CCAR2: variants seen among roughly 807,000 people sequenced by gnomAD.
CCAR2 encodes the protein cell cycle and apoptosis regulator protein 2.
A neutral mutation model predicts 108.1 loss-of-function variants in CCAR2; 21 were observed. That is an observed-to-expected ratio of 0.19 (90% confidence interval 0.14 to 0.28). The LOEUF is 0.28. Ranked by LOEUF, CCAR2 falls within the 10% of genes least tolerant of loss-of-function variation. The pLI is 1.00. For synonymous variants in CCAR2, 577 were observed against 472.8 expected, an observed-to-expected ratio of 1.22 and a Z score of -2.86; for missense variants, 1,126 against 1,177.0, an observed-to-expected ratio of 0.96 and a Z score of 0.63.
At position 22,608,222 on chromosome 8, in the gene CCAR2, C is replaced by T. The variant is rs1343416474; in HGVS notation, c.584+157C>T. On this transcript the variant is annotated intron_variant, in intron 7 of 20. Transcript: ENST00000308511. ...AACATTCTTTGCCTGCAGCTAGATC[C>T]TAGTCCCTTTTCTGTGAAGTATGTA... 4 of 602,786 alleles carry T rather than the reference C, an allele frequency of 6.6e-6. No homozygotes were observed. In the African/African-American group the frequency reaches 7.5e-5, roughly 11 times the overall value. 37.3% of individuals were successfully genotyped at this position (602,786 alleles called of 1,614,324 possible). A position where few individuals can be genotyped will look rare whatever the true frequency, so the allele number is the denominator to read the frequency against.
At chr8:22,619,439 G>A in intron 20 of CCAR2, 84 bp downstream of exon 20, 1 of 1,490,168 alleles carries the variant, frequency 6.7e-7, no homozygotes, top group Non-Finnish European at 9.1e-7. Context: ...CCCGTGTCGG[G>A]AGTGACCAGA....
At position 22,604,826 on chromosome 8, in the gene CCAR2, G is replaced by A. The variant is rs1447087219; in HGVS notation, c.-55G>A. 6.6e-6 allele frequency: 3 copies of A among 454,822 alleles called. No homozygotes were observed. The East Asian group carries it at 2.1e-4, about 32-fold the overall frequency. The allele number at this position is 454,822 out of a possible 1,614,324, so 28.2% of individuals were successfully genotyped here. ...CGGGTGTCTTTGTCCCCCCGGTGTC[G>A]CTGCCCTGGCCCGCAGGTGGGTTGG... On this transcript the variant is annotated 5_prime_UTR_variant, in exon 1 of 21. Transcript: ENST00000308511.
intron 16 of CCAR2, chr8:22,618,030 G>T: frequency 3.4e-6 from 2 of 591,872 alleles, no homozygotes; most frequent in East Asian, 5.7e-5. Flanking sequence ...TTGCCAAAGT[G>T]GGCCAGAGAG....
Position 22,606,164 on chromosome 8 carries a change from C to T in CCAR2, c.138C>T (p.Ala46=), listed in dbSNP as rs1244173422. The part of the protein sequence containing the change: ...PPVATELSQN[A]RHLQGGEKQR... The stretch of plus-strand genomic sequence containing the variant: ...TGGCCACAGAACTGTCCCAGAATGC[C>T]AGGCACCTTCAGGTAGGTTCGGCAT... Residue 46 remains alanine (A), a synonymous_variant, in exon 3 of 21, where the codon GCC becomes GCT. Transcript: ENST00000308511. 1 of 1,613,770 alleles carries T rather than the reference C, an allele frequency of 6.2e-7. No individual in the cohort carries two copies.
Position 22,606,934 on chromosome 8 carries a change from G to A in CCAR2, c.267G>A (p.Gln89=). The A allele has an allele frequency of 6.2e-7, 1 of 1,614,118 alleles. No homozygotes were observed. Among genetic ancestry groups the A allele is most frequent in the Non-Finnish European group, 8.5e-7 (1 of 1,180,028 alleles). Residue 89 remains glutamine, a synonymous_variant, in exon 5 of 21, where the codon CAG becomes CAA. Coordinates refer to ENST00000308511, the MANE Select transcript of CCAR2 (RefSeq NM_001393997.1). ...GTGTGGTGAAGGGCCGTCTGCCCCA[G>A]CTGGGTGAGAAGGTGCTGGTGAAGG... is the stretch of plus-strand genomic sequence containing the variant. ...QLSVVKGRLP[Q]LGEKVLVKAA... is the part of the protein sequence containing the mutation.
In CCAR2 at chr8:22,619,748, C is replaced by T. The variant is rs200005581; in HGVS notation, c.*66C>T. ...GCGCCCGGCAAAGTTGGAGCCCTTG[C>T]GGTACCAGAAAGCAGCGAGAGCGAG... is the stretch of plus-strand genomic sequence containing the variant. On this transcript the variant is annotated 3_prime_UTR_variant, in exon 21 of 21. Transcript: ENST00000308511. 1.6e-3 allele frequency: 2,350 copies of T among 1,516,010 alleles called. 4 individuals are homozygous for T. Among genetic ancestry groups the T allele is most frequent in the Non-Finnish European group, 1.9e-3 (2,159 of 1,118,964 alleles). 93.9% of individuals were successfully genotyped at this position (1,516,010 alleles called of 1,614,324 possible).
chr8:22,607,896 G>A, intron 6 of CCAR2, 73 bp from the exon 7 acceptor site: 1 of 1,196,098 alleles, frequency 8.4e-7, no homozygotes. Context: ...AAAGTGCTGG[G>A]ATTACAGGTG....
rs1471479872 is a variant in CCAR2 at position 22,616,263 on chromosome 8, A to C, written c.1845+15A>C. On this transcript the variant is annotated intron_variant, in intron 14 of 20. Coordinates refer to ENST00000308511, the MANE Select transcript of CCAR2 (RefSeq NM_001393997.1). ...AGGCCCCGCTGGTGAGTACCCTGCC[A>C]CCTCGGGCTGTCATAGTGCTTACCG... is the stretch of plus-strand genomic sequence containing the variant. 6.2e-7 allele frequency: 1 copy of C among 1,609,290 alleles called. No homozygotes were observed. The highest frequency in any genetic ancestry group is 8.5e-7 in the Non-Finnish European group (1 of 1,178,094).
chr8:22,609,662 A>T (rs1419029715), intron 7 of CCAR2, among the ~76,000 whole-genome samples: 2 of 152,156 alleles, frequency 1.3e-5, no homozygotes, highest in South Asian at 2.1e-4. Flanking sequence ...TCCCTTTCAC[A>T]GTGTGTGAGT....
At chr8:22,616,866 C>CT (rs36086286) in intron 14 of CCAR2, among the ~76,000 whole-genome samples, 782 of 54,724 alleles carry the variant, frequency 0.014, 194 homozygotes, top group Middle Eastern at 0.027. Flanking sequence ...TACTAGTCTG[C>CT]TTTTTTTTTT....
chr8:22,607,123 G>A, intron 5 of CCAR2, 73 bp from the exon 6 acceptor site: 1 of 1,608,680 alleles, frequency 6.2e-7, no homozygotes, highest in Non-Finnish European at 8.5e-7. Context: ...CAGGGGGGTG[G>A]GACTGCATCT....
chr8:22,617,500 C>A lies in CCAR2; in HGVS notation c.1926C>A (p.Asp642Glu). 1 of 1,606,732 alleles carries A rather than the reference C, an allele frequency of 6.2e-7. No individual in the cohort carries two copies. Among genetic ancestry groups the A allele is most frequent in the South Asian group, 1.1e-5 (1 of 90,146 alleles). ...EEKPRGEASE[D>E]LCEMALDPEL... ...AACCCCGGGGCGAGGCTTCTGAGGACCTGTGTGAGATGGCCCTGGACCCAG... is the reference window on the plus strand; with the variant it reads ...AACCCCGGGGCGAGGCTTCTGAGGAACTGTGTGAGATGGCCCTGGACCCAG... The change falls in exon 15 of 21, where the codon GAC (aspartate) becomes GAA (glutamate). Residue 642 changes from aspartate to glutamate, a missense_variant. This residue lies in a region of CCAR2 where 1,013 missense variants were observed against 993.9 expected (regional missense o/e 1.02). Coordinates refer to ENST00000308511, the MANE Select transcript of CCAR2 (RefSeq NM_001393997.1).
chr8:22,605,227 G>GGA (rs796561329), intron 1 of CCAR2: 7 of 183,790 alleles, frequency 3.8e-5, no homozygotes, highest in African/African-American at 1.7e-4. Context: ...GGGCTTCCGG[G>GGA]GAGAGGGCCC....
rs370019237 is a variant in CCAR2 at position 22,617,730 on chromosome 8, C to T, written c.2025C>T (p.Ser675=). The change falls in exon 16 of 21, where the codon TCC becomes TCT. Residue 675 remains serine (S), a synonymous_variant. Transcript: ENST00000308511. ...AGCTGGAGGATTCGGAGGTCCGGTC[C>T]GTTGCCTCAAACCAGTCAGAGATGG... is the stretch of plus-strand genomic sequence containing the variant. The part of the protein sequence containing the change: ...GAKLEDSEVR[S]VASNQSEMEF... 41 of 1,613,980 alleles carry T rather than the reference C, an allele frequency of 2.5e-5. 1 individual carries two copies. The highest frequency in any genetic ancestry group is 2.4e-4 in the East Asian group (11 of 44,900).
chr8:22,619,112 A>C (rs199993561), intron 19 of CCAR2, 38 bp from the exon 20 acceptor site: 5 of 1,601,884 alleles, frequency 3.1e-6, no homozygotes, highest in Non-Finnish European at 4.3e-6. Flanking sequence ...CTGGGCCTTG[A>C]TGGAGCAGCC....
chr8:22,615,094 A>C (rs1801446010), intron 11 of CCAR2, 93 bp downstream of exon 11: 1 of 1,411,368 alleles, frequency 7.1e-7, no homozygotes, highest in Non-Finnish European at 9.3e-7. Flanking sequence ...TCTGCTGGTT[A>C]GCTCTCTGCC....
chr8:22,613,870 T>C (rs1801392180), intron 8 of CCAR2: 6 of 556,978 alleles, frequency 1.1e-5, no homozygotes, highest in Middle Eastern at 4.6e-4. Flanking sequence ...TTCTCTGTCA[T>C]GTGTTATAAG....
At position 22,619,251 on chromosome 8, in the gene CCAR2, GC is replaced by G; in HGVS notation, c.2626del (p.Arg876GlyfsTer21). 6.4e-7 allele frequency: 1 copy of G among 1,566,300 alleles called. No individual in the cohort carries two copies. The highest frequency in any genetic ancestry group is 8.6e-7 in the Non-Finnish European group (1 of 1,156,170). ...CCGGCTGGCGGAGGCCGAGGAGACC[GC>G]CCGGACGGCGGAGCGACAGAAGAGC... The part of the protein sequence containing the change: ...RVRLAEAEET[A>X]RTAERQKSQL... On this transcript the variant is annotated frameshift_variant, in exon 20 of 21. Coordinates refer to ENST00000308511, the MANE Select transcript of CCAR2 (RefSeq NM_001393997.1). LOFTEE classifies it high-confidence loss of function.
Position 22,604,820 on chromosome 8 carries a change from G to A in CCAR2, c.-61G>A, listed in dbSNP as rs201600355. ...TGGTTCCGGGTGTCTTTGTCCCCCC[G>A]GTGTCGCTGCCCTGGCCCGCAGGTG... On this transcript the variant is annotated 5_prime_UTR_variant, in exon 1 of 21. Coordinates refer to ENST00000308511, the MANE Select transcript of CCAR2 (RefSeq NM_001393997.1). 20 of 455,150 alleles carry A rather than the reference G, an allele frequency of 4.4e-5. No individual in the cohort carries two copies. The highest frequency in any genetic ancestry group is 4.9e-4 in the Middle Eastern group (1 of 2,048). 28.2% of individuals were successfully genotyped at this position (455,150 alleles called of 1,614,324 possible).
Sources: allele counts gnomAD v4.1 joint callset (sites outside exome capture counted in the v4.1 genomes callset), GRCh38; gene constraint gnomAD v4.1.1; regional missense constraint gnomAD v4.1.1; transcripts MANE v1.5; gene names NCBI Gene and HGNC (gene_info 2026-07-23, HGNC 2026-07-21).